STK24: variants seen among roughly 807,000 people sequenced by gnomAD.
The protein encoded by STK24 is serine/threonine-protein kinase 24.
In STK24, 21 loss-of-function variants were observed where a neutral mutation model predicts 55.6. The observed-to-expected ratio is 0.38, with a 90% CI of 0.27 to 0.54. The LOEUF (loss-of-function observed/expected upper bound fraction) is 0.54, where lower values mean the gene tolerates loss of function less well. Among genes scored for constraint, STK24 ranks in the 20% least tolerant of loss-of-function variants. STK24 has a pLI of 0.79. For missense variants in STK24, 383 were observed against 538.4 expected (o/e 0.71, Z 2.86); for synonymous variants, 200 against 215.2 (o/e 0.93, Z 0.62).
At chr13:98,462,401 G>A (rs796137299) in intron 7 of STK24, among the ~76,000 whole-genome samples, 5 of 152,104 alleles carry the variant, frequency 3.3e-5, no homozygotes, top group African/African-American at 7.2e-5. Context: ...CCCTCCGAGC[G>A]CTCCCTCCCC....
At chr13:98,465,476 C>T (rs1159332195) in intron 6 of STK24, among the ~76,000 whole-genome samples, 9 of 152,330 alleles carry the variant, frequency 5.9e-5, no homozygotes, top group South Asian at 2.1e-4. Context: ...GAAACATCAT[C>T]GTGTAATAAA....
chr13:98,532,708 G>A (rs1308983675), intron 1 of STK24, among the ~76,000 whole-genome samples: 5 of 152,126 alleles, frequency 3.3e-5, no homozygotes, highest in South Asian at 2.1e-4. Flanking sequence ...ATATTCTTTC[G>A]AAGAAAAGTG....
At chr13:98,521,874 G>C (rs565121693) in intron 1 of STK24, 14 of 839,996 alleles carry the variant, frequency 1.7e-5, no homozygotes, top group South Asian at 1.3e-4. Context: ...CCAGGATAAG[G>C]CTTCGTCAGT....
rs1895854615 is a variant in STK24, at chr13:98,510,786, T to C, written c.273+8457A>G. 3.9e-5 allele frequency among the ~76,000 whole-genome samples: 6 copies of C among 152,352 alleles called. No individual in the cohort carries two copies. The South Asian group carries it at 1.2e-3, about 32-fold the overall frequency. On this transcript the variant is annotated intron_variant, in intron 2 of 10. Transcript: ENST00000539966. ...GAAGTGAATGATGATGGGTAGAGTA[T>C]CTTTCGAGGGGATGAAATGTTCTAA...
At chr13:98,512,694 C>G (rs1895927066) in intron 2 of STK24, among the ~76,000 whole-genome samples, 2 of 149,254 alleles carry the variant, frequency 1.3e-5, no homozygotes, top group East Asian at 4.0e-4. Context: ...TGACATTGGT[C>G]ATTATCAGTT....
intron 2 of STK24, among the ~76,000 whole-genome samples, chr13:98,486,165 C>G (rs183351463): frequency 6.6e-6 from 1 of 151,552 alleles, no homozygotes; most frequent in Admixed American, 6.6e-5. Flanking sequence ...TGTAATAAAC[C>G]TGCACGTTCT....
At chr13:98,518,698 A>G (rs1398705131) in intron 2 of STK24, among the ~76,000 whole-genome samples, 5 of 152,236 alleles carry the variant, frequency 3.3e-5, no homozygotes, top group Non-Finnish European at 5.9e-5. Flanking sequence ...ACAGAGTGGC[A>G]GTGCAGGACA....
intron 1 of STK24, among the ~76,000 whole-genome samples, chr13:98,531,332 A>T (rs1002830275): frequency 3.3e-5 from 5 of 152,240 alleles, no homozygotes; most frequent in African/African-American, 1.2e-4. Context: ...AAAGTTTATA[A>T]ACCAAATGAA....
In STK24 at chr13:98,466,363, C is replaced by A; in HGVS notation, c.783+13G>T. 1 of 1,611,484 alleles carries A rather than the reference C, an allele frequency of 6.2e-7. No homozygotes were observed. Among genetic ancestry groups the A allele is most frequent in the East Asian group, 2.2e-5 (1 of 44,870 alleles). ...CACATGAAGAGGTACGCTGTGATCCCTGGGAAACTTACAAAGCTCGGCTCC... is the reference window on the plus strand; with the variant it reads ...CACATGAAGAGGTACGCTGTGATCCATGGGAAACTTACAAAGCTCGGCTCC... On this transcript the variant is annotated intron_variant, in intron 6 of 10. Transcript: ENST00000539966.
intron 1 of STK24, among the ~76,000 whole-genome samples, chr13:98,565,631 CA>C (rs397851778): frequency 0.2 from 23,748 of 117,100 alleles, 1,948 homozygotes; most frequent in African/African-American, 0.27. Context: ...GACTCCATCT[CA>C]AAAAAAAAAA....
At chr13:98,568,189 G>A (rs914975511) in intron 1 of STK24, among the ~76,000 whole-genome samples, 1 of 152,076 alleles carries the variant, frequency 6.6e-6, no homozygotes, top group African/African-American at 2.4e-5. Context: ...TAGAGAAGGG[G>A]TTTCACCATG....
chr13:98,560,737 T>C (rs1022802520), intron 1 of STK24, among the ~76,000 whole-genome samples: 11 of 151,532 alleles, frequency 7.3e-5, no homozygotes, highest in Admixed American at 2.6e-4. Flanking sequence ...AAAAATTAGG[T>C]GGGCATGGTG....
intron 2 of STK24, among the ~76,000 whole-genome samples, chr13:98,488,462 AAG>A (rs925570143): frequency 3.0e-4 from 45 of 152,248 alleles, no homozygotes; most frequent in African/African-American, 1.0e-3. Context: ...TTATATATTG[AAG>A]AGTCATGCAT....
intron 8 of STK24, 140 bp downstream of exon 8, chr13:98,461,634 T>C: frequency 8.6e-7 from 1 of 1,165,984 alleles, no homozygotes; most frequent in Non-Finnish European, 1.2e-6. Flanking sequence ...GCTCTTCATC[T>C]GCCCATCCCC....
At chr13:98,478,001 G>A (rs527893698) in intron 3 of STK24, among the ~76,000 whole-genome samples, 187 of 152,268 alleles carry the variant, frequency 1.2e-3, no homozygotes, top group African/African-American at 4.4e-3. Context: ...CATGGGGAAC[G>A]AGGAGGAAGG....
At chr13:98,506,659 A>C (rs1007888905) in intron 2 of STK24, among the ~76,000 whole-genome samples, 16 of 152,222 alleles carry the variant, frequency 1.1e-4, no homozygotes, top group African/African-American at 3.9e-4. Context: ...GATCTATGTC[A>C]AAGTGGGGCA....
chr13:98,498,654 A>G (rs1185682112), intron 2 of STK24, among the ~76,000 whole-genome samples: 2 of 152,156 alleles, frequency 1.3e-5, no homozygotes, highest in African/African-American at 2.4e-5. Flanking sequence ...CTGGAACTGA[A>G]CACCTGGCTA....
intron 1 of STK24, among the ~76,000 whole-genome samples, chr13:98,528,591 G>C (rs1054876826): frequency 3.3e-5 from 5 of 152,128 alleles, no homozygotes; most frequent in Admixed American, 3.3e-4. Flanking sequence ...ATAATCCCTT[G>C]AAAGAATTCT....
In STK24 at chr13:98,447,078, C is replaced by G. The variant is rs902390327; in HGVS notation, c.*6095G>C. 2.0e-5 allele frequency: 9 copies of G among 456,882 alleles called. No homozygotes were observed. Among genetic ancestry groups the G allele is most frequent in the Non-Finnish European group, 2.8e-5 (7 of 250,554 alleles). 28.3% of individuals were successfully genotyped at this position (456,882 alleles called of 1,614,324 possible). ...TCTTGCTTGGAGATCTCTGACATAA[C>G]GTGTCCGGGATGATGAAGCTAAGCC... On this transcript the variant is annotated 3_prime_UTR_variant, in exon 11 of 11. Transcript: ENST00000539966.
Sources: gnomAD v4.1 joint callset for allele counts (sites outside exome capture counted in the v4.1 genomes callset) on GRCh38, gnomAD v4.1.1 for gene constraint, MANE v1.5 for transcripts, NCBI Gene and HGNC (gene_info 2026-07-23, HGNC 2026-07-21) for gene names.